Variants in SORCS2 observed in about 807,000 individuals in gnomAD.
SORCS2 encodes sortilin related VPS10 domain containing receptor 2, also known as VPS10 domain-containing receptor SorCS2.
A neutral mutation model predicts 141.6 loss-of-function variants in SORCS2; 100 were observed. The ratio of observed to expected loss-of-function variants is 0.71; its 90% CI spans 0.60 to 0.83. The LOEUF is 0.83. SORCS2 is among the 40% of genes least tolerant of loss of function. The pLI is 0.00. For missense variants in SORCS2, 1,646 were observed against 1,560.2 expected, an observed-to-expected ratio of 1.05 and a Z score of -0.93; for synonymous variants, 789 against 676.9, an observed-to-expected ratio of 1.17 and a Z score of -2.57.
chr4:7,628,334 A>G (rs1286331591), intron 3 of SORCS2, among the ~76,000 whole-genome samples: 2 of 152,248 alleles, frequency 1.3e-5, no homozygotes, highest in South Asian at 2.1e-4. Flanking sequence ...CATCCTGTGA[A>G]TGGAGAAACC....
At chr4:7,282,538 G>T (rs1241687038) in intron 1 of SORCS2, among the ~76,000 whole-genome samples, 1 of 152,152 alleles carries the variant, frequency 6.6e-6, no homozygotes, top group Non-Finnish European at 1.5e-5. Context: ...ATATTATAAG[G>T]ATCACCAAAG....
chr4:7,477,506 C>T (rs993315742), intron 2 of SORCS2, among the ~76,000 whole-genome samples: 9 of 152,200 alleles, frequency 5.9e-5, no homozygotes, highest in Non-Finnish European at 7.4e-5. Context: ...GAGCTGGCTC[C>T]CATTCCAGAT....
chr4:7,314,787 T>C (rs904912579), intron 1 of SORCS2, among the ~76,000 whole-genome samples: 2 of 147,090 alleles, frequency 1.4e-5, no homozygotes, highest in Admixed American at 1.4e-4. Context: ...CCCAGGAGCC[T>C]GCCCACTGTT....
At chr4:7,718,696 C>A (rs1451514291) in intron 18 of SORCS2, among the ~76,000 whole-genome samples, 1 of 152,192 alleles carries the variant, frequency 6.6e-6, no homozygotes, top group Non-Finnish European at 1.5e-5. Flanking sequence ...GAAATTTCCT[C>A]CCAGCCTCCC....
intron 2 of SORCS2, among the ~76,000 whole-genome samples, chr4:7,467,628 G>A (rs1371866733): frequency 6.6e-6 from 1 of 152,192 alleles, no homozygotes; most frequent in Non-Finnish European, 1.5e-5. Flanking sequence ...AGCTTCAGAG[G>A]CCTCCTGAAT....
chr4:7,396,735 C>T (rs541274713), intron 2 of SORCS2, among the ~76,000 whole-genome samples: 1 of 152,314 alleles, frequency 6.6e-6, no homozygotes, highest in East Asian at 1.9e-4. Flanking sequence ...CCACCAAAGG[C>T]TCTGATTATC....
chr4:7,716,568 A>C (rs777561909), intron 17 of SORCS2, among the ~76,000 whole-genome samples: 3 of 151,766 alleles, frequency 2.0e-5, no homozygotes, highest in Non-Finnish European at 2.9e-5. Flanking sequence ...CTATCCATCC[A>C]TTCACCTATC....
chr4:7,365,570 G>A (rs150392498), intron 1 of SORCS2, among the ~76,000 whole-genome samples: 1 of 152,146 alleles, frequency 6.6e-6, no homozygotes, highest in Non-Finnish European at 1.5e-5. Context: ...CAGACAGCAC[G>A]CTGATGTGTA....
chr4:7,619,688 A>G (rs952029489), intron 3 of SORCS2, among the ~76,000 whole-genome samples: 20 of 152,214 alleles, frequency 1.3e-4, no homozygotes, highest in African/African-American at 4.8e-4. Flanking sequence ...CCTTAGGACA[A>G]CAACCTTCAG....
At chr4:7,288,719 C>T (rs989411864) in intron 1 of SORCS2, among the ~76,000 whole-genome samples, 2 of 144,080 alleles carry the variant, frequency 1.4e-5, no homozygotes, top group South Asian at 4.3e-4. Flanking sequence ...CCTTAATCAC[C>T]TTCTTACAGT....
At chr4:7,397,646 C>T (rs1375576731) in intron 2 of SORCS2, among the ~76,000 whole-genome samples, 1 of 152,184 alleles carries the variant, frequency 6.6e-6, no homozygotes, top group Non-Finnish European at 1.5e-5. Flanking sequence ...CGGTGCTGGG[C>T]TCAGCAGTGT....
intron 2 of SORCS2, among the ~76,000 whole-genome samples, chr4:7,495,806 CGTG>C (rs1731580756): frequency 6.6e-6 from 1 of 152,204 alleles, no homozygotes; most frequent in African/African-American, 2.4e-5. Flanking sequence ...GTCTGAGCTG[CGTG>C]GTGACCCCTC....
At chr4:7,670,526 A>C (rs2108937658) in intron 8 of SORCS2, among the ~76,000 whole-genome samples, 1 of 152,320 alleles carries the variant, frequency 6.6e-6, no homozygotes, top group Non-Finnish European at 1.5e-5. Context: ...TAAAGAAAGA[A>C]GTGACATCAG....
At chr4:7,388,206 C>T (rs894295787) in intron 1 of SORCS2, among the ~76,000 whole-genome samples, 2 of 152,208 alleles carry the variant, frequency 1.3e-5, no homozygotes, top group African/African-American at 4.8e-5. Context: ...AAGTCGGCTC[C>T]GTGTTGGCCT....
chr4:7,538,266 C>T (rs1204539150), intron 3 of SORCS2, among the ~76,000 whole-genome samples: 1 of 152,198 alleles, frequency 6.6e-6, no homozygotes, highest in Non-Finnish European at 1.5e-5. Flanking sequence ...TTATTTTTGT[C>T]TCGCCTGCAG....
At position 7,664,503 on chromosome 4, in the gene SORCS2, G is replaced by A; in HGVS notation, c.1071+32G>A. On this transcript the variant is annotated intron_variant, in intron 7 of 26. Coordinates refer to ENST00000507866, the MANE Select transcript of SORCS2 (RefSeq NM_020777.3). This position sits in a 1 kb window ranked among gnomAD's most constrained non-coding sequence, Gnocchi z 4.7. ...TTGCTTCTGGGGCTTTTGGAAATTG[G>A]CAACAGGTGACGTGGCGGATGACCC... 1 of 1,519,124 alleles carries A rather than the reference G, an allele frequency of 6.6e-7. No homozygotes were observed. Among genetic ancestry groups the A allele is most frequent in the Non-Finnish European group, 9.0e-7 (1 of 1,114,396 alleles). The allele number at this position is 1,519,124 out of a possible 1,614,324, so 94.1% of individuals were successfully genotyped here. A position where few individuals can be genotyped will look rare whatever the true frequency, so the allele number is the denominator to read the frequency against.
chr4:7,468,789 G>A (rs530901388), intron 2 of SORCS2, among the ~76,000 whole-genome samples: 31 of 151,670 alleles, frequency 2.0e-4, no homozygotes, highest in South Asian at 1.7e-3. Flanking sequence ...GAAAGGTGAG[G>A]ATGCTCTCTG....
At chr4:7,230,999 TATATCCATATCC>T (rs138295412) in intron 1 of SORCS2, among the ~76,000 whole-genome samples, 2 of 151,320 alleles carry the variant, frequency 1.3e-5, no homozygotes, top group Non-Finnish European at 3.0e-5. Context: ...TATCTGTATC[TATATCCATATCC>T]ATATCCATAT....
At chr4:7,339,101 C>T (rs547477496) in intron 1 of SORCS2, among the ~76,000 whole-genome samples, 1 of 152,348 alleles carries the variant, frequency 6.6e-6, no homozygotes, top group East Asian at 1.9e-4. Context: ...TTCGCCGTGG[C>T]CTGGATGTGA....
Sources: gnomAD v4.1 joint callset for allele counts (sites outside exome capture counted in the v4.1 genomes callset) on GRCh38, gnomAD v4.1.1 for gene constraint, Gnocchi (gnomAD v3.1) non-coding constraint, MANE v1.5 for transcripts, NCBI Gene and HGNC (gene_info 2026-07-23, HGNC 2026-07-21) for gene names.